The following CTNND2 variants were observed in gnomAD, a reference collection of about 807,000 sequenced individuals.
CTNND2 encodes the protein catenin delta 2.
A neutral mutation model predicts 144.4 loss-of-function variants in CTNND2; 22 were observed. The ratio of observed to expected loss-of-function variants is 0.15; its 90% CI spans 0.11 to 0.22. The LOEUF is 0.22. Ranked by LOEUF, CTNND2 falls within the 10% of genes least tolerant of loss-of-function variation. The probability of loss-of-function intolerance (pLI) is 1.00; values close to 1 mark genes in which losing one functional copy is unlikely to be tolerated. For missense variants in CTNND2, 1,353 were observed against 1,618.8 expected, an observed-to-expected ratio of 0.84 and a Z score of 2.82; for synonymous variants, 751 against 695.6, an observed-to-expected ratio of 1.08 and a Z score of -1.25.
At chr5:11,754,844 C>A (rs1446687419) in intron 1 of CTNND2, among the ~76,000 whole-genome samples, 1 of 151,282 alleles carries the variant, frequency 6.6e-6, no homozygotes, top group Admixed American at 6.6e-5. Context: ...GGGTTTCATT[C>A]CATGTGGGGT....
chr5:11,510,608 G>C (rs559665158), intron 3 of CTNND2, among the ~76,000 whole-genome samples: 13 of 152,268 alleles, frequency 8.5e-5, no homozygotes, highest in Non-Finnish European at 1.8e-4. Context: ...ATAATTCAAA[G>C]TAACAGAAAA....
At chr5:11,472,154 G>T (rs948149139) in intron 3 of CTNND2, among the ~76,000 whole-genome samples, 2 of 151,900 alleles carry the variant, frequency 1.3e-5, no homozygotes, top group African/African-American at 2.4e-5. Context: ...TAAATTTTTT[G>T]GGGGGGATCC....
intron 9 of CTNND2, among the ~76,000 whole-genome samples, chr5:11,259,661 T>C (rs1167389220): frequency 6.6e-6 from 1 of 152,220 alleles, no homozygotes; most frequent in South Asian, 2.1e-4. Context: ...TTTTGCTATG[T>C]TGTTCTCGAG....
At chr5:11,712,136 G>C (rs58469868) in intron 2 of CTNND2, among the ~76,000 whole-genome samples, 2 of 152,292 alleles carry the variant, frequency 1.3e-5, no homozygotes, top group East Asian at 3.9e-4. Flanking sequence ...GTCAAACAAT[G>C]TTTGCAGAAG....
In CTNND2 at chr5:11,170,569, T is replaced by TACACACACATAC. The variant is rs979312568; in HGVS notation, c.1976-10822_1976-10811dup. Among the ~76,000 whole-genome samples the TACACACACATAC allele has an allele frequency of 8.6e-5, 13 of 151,584 alleles. No individual in the cohort carries two copies. In the South Asian group the frequency reaches 2.7e-3, roughly 32 times the overall value. ...CTGCCGACCTCTACTAAAACACACA[T>TACACACACATAC]ACACACACATACACACACACATACA... On this transcript the variant is annotated intron_variant, in intron 11 of 21. Coordinates refer to ENST00000304623, the MANE Select transcript of CTNND2 (RefSeq NM_001332.4).
intron 2 of CTNND2, among the ~76,000 whole-genome samples, chr5:11,647,982 C>G (rs1163724721): frequency 6.6e-6 from 1 of 152,130 alleles, no homozygotes; most frequent in Admixed American, 6.5e-5. Context: ...TTGGCTAAAT[C>G]TTACTTAACT....
intron 1 of CTNND2, among the ~76,000 whole-genome samples, chr5:11,853,356 A>G (rs1229300188): frequency 6.6e-6 from 1 of 151,866 alleles, no homozygotes; most frequent in African/African-American, 2.4e-5. Flanking sequence ...TTCACTGGCC[A>G]CTTCTCCCTC....
chr5:11,294,793 T>C (rs1227336933), intron 9 of CTNND2, among the ~76,000 whole-genome samples: 6 of 152,174 alleles, frequency 3.9e-5, no homozygotes. Context: ...CCCTTCATGC[T>C]AAAAACTCTC....
At chr5:11,255,353 C>G (rs969223217) in intron 9 of CTNND2, among the ~76,000 whole-genome samples, 1 of 152,204 alleles carries the variant, frequency 6.6e-6, no homozygotes, top group African/African-American at 2.4e-5. Context: ...TTCTGGAGAG[C>G]AGACTTTGCG....
At chr5:11,296,749 T>C (rs113427673) in intron 9 of CTNND2, among the ~76,000 whole-genome samples, 5 of 152,156 alleles carry the variant, frequency 3.3e-5, no homozygotes, top group African/African-American at 1.2e-4. Flanking sequence ...AAGCAAACTC[T>C]GCATGTTCTC....
intron 13 of CTNND2, among the ~76,000 whole-genome samples, chr5:11,111,333 A>C (rs1752954238): frequency 6.6e-6 from 1 of 152,204 alleles, no homozygotes; most frequent in Non-Finnish European, 1.5e-5. Flanking sequence ...AAGAATGTAC[A>C]ACCACGAGAG....
intron 18 of CTNND2, among the ~76,000 whole-genome samples, chr5:11,003,620 T>C (rs2149515699): frequency 6.6e-6 from 1 of 152,326 alleles, no homozygotes; most frequent in South Asian, 2.1e-4. Context: ...CAAGCCAGAT[T>C]TTGCTTAACT....
chr5:11,713,081 C>G (rs1306729027), intron 2 of CTNND2, among the ~76,000 whole-genome samples: 1 of 152,122 alleles, frequency 6.6e-6, no homozygotes, highest in Non-Finnish European at 1.5e-5. Context: ...TATTCCTCTC[C>G]TTATGAAAAA....
chr5:11,011,472 C>T (rs903798771), intron 18 of CTNND2, among the ~76,000 whole-genome samples: 2 of 152,182 alleles, frequency 1.3e-5, no homozygotes, highest in African/African-American at 4.8e-5. Flanking sequence ...CTATCTCGGC[C>T]TCCCAAAGTG....
chr5:11,485,446 T>G (rs973054954), intron 3 of CTNND2, among the ~76,000 whole-genome samples: 1 of 152,162 alleles, frequency 6.6e-6, no homozygotes, highest in South Asian at 2.1e-4. Context: ...TTTTTCTACT[T>G]GAAAATTCAA....
intron 2 of CTNND2, among the ~76,000 whole-genome samples, chr5:11,718,773 G>A (rs914142385): frequency 6.6e-6 from 1 of 152,100 alleles, no homozygotes; most frequent in Non-Finnish European, 1.5e-5. Flanking sequence ...GTAATAATCT[G>A]TCAATAAGTT....
At chr5:11,062,766 C>T (rs1175849085) in intron 16 of CTNND2, among the ~76,000 whole-genome samples, 4 of 152,192 alleles carry the variant, frequency 2.6e-5, no homozygotes, top group African/African-American at 4.8e-5. Context: ...TTCAGATTCT[C>T]GACCTCCTTA....
chr5:11,864,495 G>A (rs1795649275), intron 1 of CTNND2, among the ~76,000 whole-genome samples: 1 of 152,072 alleles, frequency 6.6e-6, no homozygotes, highest in Non-Finnish European at 1.5e-5. Context: ...CCTCTAGAAA[G>A]GCCACTCAGC....
chr5:11,891,379 C>A (rs964335503), intron 1 of CTNND2, among the ~76,000 whole-genome samples: 2 of 152,112 alleles, frequency 1.3e-5, no homozygotes, highest in Non-Finnish European at 2.9e-5. Flanking sequence ...AATCTGCCAC[C>A]AGAGATTGGC....
Sources: gnomAD v4.1 joint callset for allele counts (sites outside exome capture counted in the v4.1 genomes callset) on GRCh38, gnomAD v4.1.1 for gene constraint, MANE v1.5 for transcripts, NCBI Gene and HGNC (gene_info 2026-07-23, HGNC 2026-07-21) for gene names.